Variants in BANK1 observed in about 807,000 individuals in gnomAD.
BANK1 encodes the protein B cell scaffold protein with ankyrin repeats 1.
Under a neutral mutation model 94.5 loss-of-function variants are expected in BANK1, and 95 were observed. That is an observed-to-expected ratio of 1.00 (90% confidence interval 0.85 to 1.19). The LOEUF (loss-of-function observed/expected upper bound fraction) is 1.19, where lower values mean the gene tolerates loss of function less well. Ranked by LOEUF, BANK1 falls within the 50% of genes most tolerant of loss-of-function variation. The pLI is 0.00. For missense variants in BANK1, 987 were observed against 932.2 expected (o/e 1.06, Z -0.77); for synonymous variants, 334 against 308.4 (o/e 1.08, Z -0.87).
chr4:101,858,940 A>G lies in BANK1; in HGVS notation c.625-3586A>G, dbSNP rs1021419765. The stretch of plus-strand genomic sequence containing the variant: ...TCGACAGACCATGGATTATGTAATA[A>G]ACAAATATAGAGATAAATTGAGATG... On this transcript the variant is annotated intron_variant, in intron 3 of 16. Transcript: ENST00000322953. 3.9e-5 allele frequency among the ~76,000 whole-genome samples: 6 copies of G among 152,228 alleles called. No individual in the cohort carries two copies. The East Asian group carries it at 9.6e-4, about 24-fold the overall frequency.
intron 7 of BANK1, among the ~76,000 whole-genome samples, chr4:102,018,599 TATTAC>T (rs1224759175): frequency 6.6e-6 from 1 of 152,230 alleles, no homozygotes; most frequent in African/African-American, 2.4e-5. Context: ...GATTTTAATT[TATTAC>T]ATTAAACATT....
chr4:101,941,045 A>G (rs1213549197), intron 7 of BANK1, among the ~76,000 whole-genome samples: 2 of 151,672 alleles, frequency 1.3e-5, no homozygotes, highest in East Asian at 1.9e-4. Flanking sequence ...ATTTTATGCA[A>G]TCATTTATTT....
At chr4:101,935,911 A>G (rs1723513708) in intron 7 of BANK1, among the ~76,000 whole-genome samples, 1 of 151,548 alleles carries the variant, frequency 6.6e-6, no homozygotes. Flanking sequence ...ACAAAAATCA[A>G]CTGAAAATGG....
At chr4:101,861,026 A>G (rs891104880) in intron 3 of BANK1, among the ~76,000 whole-genome samples, 1 of 152,176 alleles carries the variant, frequency 6.6e-6, no homozygotes, top group African/African-American at 2.4e-5. Flanking sequence ...CCCTGTGAGG[A>G]GGAGGTTGCA....
chr4:101,827,157 A>G (rs1035377895), intron 1 of BANK1, among the ~76,000 whole-genome samples: 5 of 151,936 alleles, frequency 3.3e-5, no homozygotes, highest in African/African-American at 1.2e-4. Flanking sequence ...AAAGAAAGCC[A>G]TATATCTCTC....
intron 5 of BANK1, among the ~76,000 whole-genome samples, chr4:101,873,813 G>A (rs1728390488): frequency 6.6e-6 from 1 of 152,126 alleles, no homozygotes; most frequent in African/African-American, 2.4e-5. Context: ...AATTAGAATT[G>A]AAGTGCTAGT....
At chr4:101,835,197 G>T (rs908366642) in intron 2 of BANK1, among the ~76,000 whole-genome samples, 3 of 152,098 alleles carry the variant, frequency 2.0e-5, no homozygotes, top group African/African-American at 7.2e-5. Flanking sequence ...GTTTATATGT[G>T]ATATAAATAA....
rs573072795 is a variant in BANK1, at chr4:101,870,394, G to T, written c.764-111G>T. 143 of 951,354 alleles carry T rather than the reference G, an allele frequency of 1.5e-4. 5 individuals carry two copies. The South Asian group carries it at 3.7e-3, about 25-fold the overall frequency. 58.9% of individuals were successfully genotyped at this position (951,354 alleles called of 1,614,324 possible). A position where few individuals can be genotyped will look rare whatever the true frequency, so the allele number is the denominator to read the frequency against. Reference sequence around the variant, plus strand: ...AAAAATGATTTTAAGTGCTAGAGATGAGTAAAAGTGTTATGAATTTTTAAA... The same window carrying T: ...AAAAATGATTTTAAGTGCTAGAGATTAGTAAAAGTGTTATGAATTTTTAAA... On this transcript the variant is annotated intron_variant, in intron 4 of 16. Coordinates refer to ENST00000322953, the MANE Select transcript of BANK1 (RefSeq NM_017935.5).
chr4:102,012,258 C>A (rs996924608), intron 7 of BANK1, among the ~76,000 whole-genome samples: 9 of 152,152 alleles, frequency 5.9e-5, no homozygotes, highest in South Asian at 2.1e-4. Flanking sequence ...CAGGAACAAC[C>A]TGCACTGGAT....
chr4:101,846,616 A>G (rs1727255972), intron 2 of BANK1, among the ~76,000 whole-genome samples: 1 of 152,220 alleles, frequency 6.6e-6, no homozygotes. Flanking sequence ...GTGGAAGGTG[A>G]AGGGGAAGCA....
At chr4:101,841,154 G>A (rs922339776) in intron 2 of BANK1, among the ~76,000 whole-genome samples, 1 of 151,830 alleles carries the variant, frequency 6.6e-6, no homozygotes, top group Non-Finnish European at 1.5e-5. Flanking sequence ...ATATTTAAAA[G>A]CTTTTTATTT....
intron 10 of BANK1, among the ~76,000 whole-genome samples, chr4:102,037,592 C>G (rs1160901317): frequency 1.3e-5 from 2 of 152,120 alleles, no homozygotes; most frequent in African/African-American, 4.8e-5. Flanking sequence ...CCTAACGGAC[C>G]AGCAGCATTG....
At chr4:101,823,639 T>C (rs1420017305) in intron 1 of BANK1, among the ~76,000 whole-genome samples, 1 of 152,220 alleles carries the variant, frequency 6.6e-6, no homozygotes, top group Non-Finnish European at 1.5e-5. Flanking sequence ...ATATCCAGGG[T>C]TAGGAAGACT....
chr4:101,991,667 C>G (rs1401958259), intron 7 of BANK1, among the ~76,000 whole-genome samples: 1 of 152,160 alleles, frequency 6.6e-6, no homozygotes, highest in African/African-American at 2.4e-5. Flanking sequence ...GCCCTGTTAG[C>G]CTTTCCAAGC....
chr4:101,816,407 A>C (rs1725919709), intron 1 of BANK1, among the ~76,000 whole-genome samples: 1 of 152,170 alleles, frequency 6.6e-6, no homozygotes, highest in Non-Finnish European at 1.5e-5. Flanking sequence ...TTTTCTCTAA[A>C]TCAAAGTGGT....
intron 6 of BANK1, among the ~76,000 whole-genome samples, chr4:101,916,779 A>G (rs1722842902): frequency 6.6e-6 from 1 of 152,028 alleles, no homozygotes; most frequent in Admixed American, 6.6e-5. Context: ...AAAACTAAAA[A>G]TGTATCTGGT....
intron 7 of BANK1, among the ~76,000 whole-genome samples, chr4:101,946,559 A>G (rs2851334): frequency 0.28 from 42,098 of 151,802 alleles, 7,701 homozygotes; most frequent in Non-Finnish European, 0.39. Context: ...AATGAAGCAT[A>G]TTCAAACTAG....
At chr4:101,970,492 A>T (rs928161377) in intron 7 of BANK1, among the ~76,000 whole-genome samples, 1 of 152,148 alleles carries the variant, frequency 6.6e-6, no homozygotes, top group Admixed American at 6.6e-5. Flanking sequence ...TCTTTGTCCT[A>T]TCACCACCAC....
intron 6 of BANK1, among the ~76,000 whole-genome samples, chr4:101,902,985 T>C (rs1722331418): frequency 6.6e-6 from 1 of 152,188 alleles, no homozygotes; most frequent in African/African-American, 2.4e-5. Context: ...ATTAACTGTG[T>C]GGAATGAACC....
Sources: gnomAD v4.1 joint callset for allele counts (sites outside exome capture counted in the v4.1 genomes callset) on GRCh38, gnomAD v4.1.1 for gene constraint, MANE v1.5 for transcripts, NCBI Gene and HGNC (gene_info 2026-07-23, HGNC 2026-07-21) for gene names.